FABP7: variants seen among roughly 807,000 people sequenced by gnomAD.
FABP7 encodes fatty acid-binding protein, brain.
In FABP7, 13 loss-of-function variants were observed where a neutral mutation model predicts 14.2. The observed-to-expected ratio is 0.91, with a 90% CI of 0.59 to 1.45. The LOEUF (loss-of-function observed/expected upper bound fraction) is 1.45. FABP7 is among the 40% of genes most tolerant of loss of function. The pLI, the probability that FABP7 is intolerant of heterozygous loss-of-function variation, is 0.00. For synonymous variants in FABP7, 49 were observed against 51.4 expected (o/e 0.95, Z 0.20); for missense variants, 149 against 157.6 (o/e 0.95, Z 0.29).
the FABP7 span, among the ~76,000 whole-genome samples, chr6:122,755,457 G>GTT: frequency 1.1e-4 from 13 of 115,470 alleles, no homozygotes; most frequent in Admixed American, 9.6e-4. Flanking sequence ...AATATGTTTT[G>GTT]TATTTTTTTT....
At chr6:122,761,781 G>A in the FABP7 span, among the ~76,000 whole-genome samples, 8 of 152,130 alleles carry the variant, frequency 5.3e-5, no homozygotes, top group Non-Finnish European at 1.2e-4. Flanking sequence ...GCCTCTAAAT[G>A]AGAAGACTTC....
the FABP7 span, among the ~76,000 whole-genome samples, chr6:122,768,454 T>C: frequency 2.0e-5 from 3 of 152,092 alleles, no homozygotes; most frequent in Non-Finnish European, 4.4e-5. Flanking sequence ...TATATATGTT[T>C]TAAGAAAATA....
upstream of FABP7, among the ~76,000 whole-genome samples, chr6:122,775,828 AAAAC>A (rs139337062): frequency 0.12 from 17,700 of 151,918 alleles, 1,779 homozygotes; most frequent in East Asian, 0.41. Flanking sequence ...TGAATAGCAA[AAAAC>A]AAACAAACAA....
At chr6:122,781,309 A>G (rs1780778458) in intron 3 of FABP7, 115 bp downstream of exon 3, 1 of 1,550,568 alleles carries the variant, frequency 6.4e-7, no homozygotes, top group South Asian at 1.2e-5. Context: ...TTCCTTCTTT[A>G]ATAATACATC....
upstream of FABP7, among the ~76,000 whole-genome samples, chr6:122,778,037 C>T (rs7769099): frequency 4.6e-5 from 7 of 151,966 alleles, no homozygotes; most frequent in African/African-American, 9.7e-5. Context: ...TATTGATTTA[C>T]GTTTTTGACT....
At chr6:122,774,317 A>G in the FABP7 span, among the ~76,000 whole-genome samples, 14 of 141,302 alleles carry the variant, frequency 9.9e-5, no homozygotes, top group Admixed American at 6.0e-4. Context: ...AGCCCAGATC[A>G]GGCCACTGCA....
intron 3 of FABP7, chr6:122,781,740 C>CCTTTTT (rs1207410795): frequency 1.0e-4 from 77 of 741,076 alleles, no homozygotes; most frequent in Non-Finnish European, 1.1e-4. Context: ...AGTGATAACC[C>CCTTTTT]TTTTTTTTTT....
chr6:122,763,112 G>T, the FABP7 span, among the ~76,000 whole-genome samples: 1 of 152,162 alleles, frequency 6.6e-6, no homozygotes, highest in African/African-American at 2.4e-5. Flanking sequence ...CAAAGCTGGA[G>T]ATACCATGCT....
the FABP7 span, among the ~76,000 whole-genome samples, chr6:122,754,661 A>C: frequency 9.9e-5 from 13 of 131,616 alleles, no homozygotes; most frequent in African/African-American, 3.5e-4. Context: ...ATTCATTCAG[A>C]TCATTGTTTC....
the FABP7 span, among the ~76,000 whole-genome samples, chr6:122,757,077 C>T: frequency 6.6e-6 from 1 of 152,300 alleles, no homozygotes; most frequent in East Asian, 1.9e-4. Context: ...TCAATCATAT[C>T]TTCTGGTTTC....
At chr6:122,777,851 A>AATAAATAAATAAATAC (rs1189690218), upstream of FABP7, among the ~76,000 whole-genome samples, 1 of 150,434 alleles carries the variant, frequency 6.6e-6, no homozygotes, top group African/African-American at 2.4e-5. Flanking sequence ...TCCAAAAATA[A>AATAAATAAATAAATAC]ATAAATAAAT....
At chr6:122,758,105 C>CT in the FABP7 span, among the ~76,000 whole-genome samples, 743 of 118,370 alleles carry the variant, frequency 6.3e-3, 12 homozygotes, top group Middle Eastern at 0.015. Flanking sequence ...TATTATCTAG[C>CT]TTTTTTTTTT....
the FABP7 span, among the ~76,000 whole-genome samples, chr6:122,763,005 G>A: frequency 7.9e-5 from 12 of 151,986 alleles, no homozygotes; most frequent in African/African-American, 9.7e-5. Context: ...TCAAGCTACC[G>A]ATGACTTTCT....
intron 2 of FABP7, 101 bp from the exon 3 acceptor site, chr6:122,780,992 T>C (rs1780766914): frequency 2.2e-6 from 3 of 1,351,356 alleles, no homozygotes; most frequent in Admixed American, 5.4e-5. Context: ...CTGATCATGA[T>C]TTATTCAATT....
chr6:122,777,296 G>C (rs775810556), upstream of FABP7, among the ~76,000 whole-genome samples: 1 of 152,192 alleles, frequency 6.6e-6, no homozygotes, highest in East Asian at 1.9e-4. Flanking sequence ...GAAATAGTTT[G>C]CCTAGATGAA....
At chr6:122,782,949 A>C in intron 3 of FABP7, 1 of 985,290 alleles carries the variant, frequency 1.0e-6, no homozygotes, top group Non-Finnish European at 1.2e-6. Flanking sequence ...TTCCCAGAAC[A>C]CAGAAAAGTA....
At chr6:122,767,441 T>A in the FABP7 span, among the ~76,000 whole-genome samples, 2 of 152,108 alleles carry the variant, frequency 1.3e-5, no homozygotes, top group Admixed American at 6.6e-5. Flanking sequence ...TATATTAAAA[T>A]ACATAGAGGA....
chr6:122,781,290 C>G (rs555453817), intron 3 of FABP7, 96 bp downstream of exon 3: 1 of 1,558,300 alleles, frequency 6.4e-7, no homozygotes, highest in Non-Finnish European at 8.7e-7. Context: ...TTCCATTCTT[C>G]CTCCTTCCTT....
rs574105131 is a variant in FABP7 at position 122,782,929 on chromosome 6, C to T, written c.349-788C>T. ...TCTGAAGTTCTCCTTTATGCTTTTA[C>T]CTCCATTTTTTCCCAGAACACAGAA... On this transcript the variant is annotated intron_variant, in intron 3 of 3. Coordinates refer to ENST00000368444, the MANE Select transcript of FABP7 (RefSeq NM_001446.5). 16 of 985,306 alleles carry T rather than the reference C, an allele frequency of 1.6e-5. No individual in the cohort carries two copies. The South Asian group carries it at 7.5e-4, about 46-fold the overall frequency. The allele number at this position is 985,306 out of a possible 1,614,324, so 61.0% of individuals were successfully genotyped here.
Sources: allele counts gnomAD v4.1 joint callset (sites outside exome capture counted in the v4.1 genomes callset), GRCh38; gene constraint gnomAD v4.1.1; transcripts MANE v1.5; gene names NCBI Gene and HGNC (gene_info 2026-07-23, HGNC 2026-07-21).